TTC21B: variants seen among roughly 807,000 people sequenced by gnomAD.
TTC21B encodes tetratricopeptide repeat protein 21B.
A neutral mutation model predicts 175.1 loss-of-function variants in TTC21B; 127 were observed. The observed-to-expected ratio is 0.73, with a 90% CI of 0.63 to 0.84. TTC21B has a LOEUF of 0.84. Among genes scored for constraint, TTC21B ranks in the 40% least tolerant of loss-of-function variants. The pLI, the probability that TTC21B is intolerant of heterozygous loss-of-function variation, is 0.00. For missense variants in TTC21B, 1,561 were observed against 1,558.3 expected (o/e 1.00, Z -0.03); for synonymous variants, 524 against 524.5 (o/e 1.00, Z 0.01).
At chr2:165,888,602 G>C (rs1178448719) in intron 24 of TTC21B, 128 bp from the exon 25 acceptor site, 1 of 704,126 alleles carries the variant, frequency 1.4e-6, no homozygotes, top group Non-Finnish European at 2.4e-6. Flanking sequence ...TCATTTAAAA[G>C]TAATCTTTTG....
chr2:165,912,563 A>G lies in TTC21B; in HGVS notation c.2273T>C (p.Leu758Ser). The G allele has an allele frequency of 6.2e-7, 1 of 1,614,134 alleles. No homozygotes were observed. The highest frequency in any genetic ancestry group is 1.3e-5 in the African/African-American group (1 of 75,038). ...AAGTGCTTTGCCCATTTTGCTTGCC[A>G]ATGTTCCATCTTTCGGGTTCTGATT... ...ALNQNPKDGTLASKMGKALIK... is the reference protein window; with the variant it reads ...ALNQNPKDGTSASKMGKALIK... The change falls in exon 17 of 29, where the codon TTG becomes TCG. Residue 758 changes from leucine to serine, a missense_variant. Coordinates refer to ENST00000243344, the MANE Select transcript of TTC21B (RefSeq NM_024753.5).
chr2:165,926,232 C>A (rs1056954928), intron 11 of TTC21B, among the ~76,000 whole-genome samples: 1 of 152,206 alleles, frequency 6.6e-6, no homozygotes, highest in African/African-American at 2.4e-5. Flanking sequence ...AGAGGCCCAA[C>A]TACCACTTAA....
intron 6 of TTC21B, among the ~76,000 whole-genome samples, chr2:165,935,053 A>G (rs1364895998): frequency 2.6e-5 from 4 of 152,166 alleles, no homozygotes; most frequent in African/African-American, 9.7e-5. Flanking sequence ...GAAAAGTGGA[A>G]TGACTTCTCT....
In TTC21B at chr2:165,943,354, T is replaced by C. The variant is rs776249787; in HGVS notation, c.430-13A>G. 9 of 1,585,664 alleles carry C rather than the reference T, an allele frequency of 5.7e-6. No individual in the cohort carries two copies. Among genetic ancestry groups the C allele is most frequent in the Middle Eastern group, 1.7e-4 (1 of 6,018 alleles). On this transcript the variant is annotated splice_polypyrimidine_tract_variant and intron_variant, in intron 4 of 28. Transcript: ENST00000243344. Reference sequence around the variant, plus strand: ...TCAAAACGTGTCCCTGTAAAATGAATAATTCTATTTTTACTTTTTTAGAAA... The same window carrying C: ...TCAAAACGTGTCCCTGTAAAATGAACAATTCTATTTTTACTTTTTTAGAAA...
At chr2:165,908,884 T>C (rs1685835289) in intron 18 of TTC21B, among the ~76,000 whole-genome samples, 1 of 152,136 alleles carries the variant, frequency 6.6e-6, no homozygotes. Flanking sequence ...GACAAATCCA[T>C]GCATATATTT....
Position 165,883,973 on chromosome 2 carries a change from T to C in TTC21B, c.3505A>G (p.Ile1169Val), listed in dbSNP as rs1305654936. The C allele has an allele frequency of 1.2e-6, 2 of 1,614,114 alleles. No homozygotes were observed. The highest frequency in any genetic ancestry group is 1.1e-5 in the South Asian group (1 of 91,078). The change falls in exon 26 of 29, where the codon ATC becomes GTC. Residue 1169 changes from isoleucine to valine, a missense_variant. Ile to Val is a conservative substitution (Grantham distance 29, BLOSUM62 3). Transcript: ENST00000243344. ...ALLGMATAYM[I>V]LKQTPRARNQ... ...CTGGCTCGTGGAGTCTGTTTCAAGA[T>C]CATATAAGCCGTTGCCATTCCCAAG...
chr2:165,922,732 G>C (rs1686462829), intron 12 of TTC21B, among the ~76,000 whole-genome samples: 1 of 151,996 alleles, frequency 6.6e-6, no homozygotes, highest in Admixed American at 6.6e-5. Context: ...CCCACTACTA[G>C]ATATCTACCC....
chr2:165,877,169 G>A (rs572957056), intron 27 of TTC21B, among the ~76,000 whole-genome samples: 1 of 152,162 alleles, frequency 6.6e-6, no homozygotes, highest in Non-Finnish European at 1.5e-5. Flanking sequence ...GTAAAATAAT[G>A]TGTAATAAAA....
At chr2:165,925,339 T>C (rs996395566) in intron 11 of TTC21B, among the ~76,000 whole-genome samples, 5 of 152,356 alleles carry the variant, frequency 3.3e-5, no homozygotes, top group South Asian at 2.1e-4. Context: ...CTTCTTCTTA[T>C]AATGGCTGTC....
At chr2:165,904,650 G>A (rs1202807387) in intron 19 of TTC21B, among the ~76,000 whole-genome samples, 2 of 151,814 alleles carry the variant, frequency 1.3e-5, no homozygotes, top group East Asian at 3.8e-4. Flanking sequence ...CTAGTAACCA[G>A]CTGTATAATC....
At chr2:165,902,595 T>C (rs866932400) in intron 19 of TTC21B, among the ~76,000 whole-genome samples, 6 of 152,274 alleles carry the variant, frequency 3.9e-5, no homozygotes, top group East Asian at 1.9e-4. Flanking sequence ...TATAAGTATA[T>C]AGCATGTGGT....
chr2:165,899,001 T>C (rs1685464094), intron 21 of TTC21B, among the ~76,000 whole-genome samples: 1 of 152,158 alleles, frequency 6.6e-6, no homozygotes, highest in Non-Finnish European at 1.5e-5. Flanking sequence ...CAAAATTGTA[T>C]TTTTAGCAAA....
Position 165,941,024 on chromosome 2 carries a change from A to AT in TTC21B, c.710+2_710+3insA. The AT allele has an allele frequency of 6.2e-7, 1 of 1,613,758 alleles. No homozygotes were observed. Among genetic ancestry groups the AT allele is most frequent in the East Asian group, 2.2e-5 (1 of 44,858 alleles). ...AGACTTGTGTCATCTTTTATTACTTAACCTTTGTGCTGTCTCAACTGTCTG... is the reference window on the plus strand; with the variant it reads ...AGACTTGTGTCATCTTTTATTACTTATACCTTTGTGCTGTCTCAACTGTCTG... On this transcript the variant is annotated splice_region_variant and intron_variant, in intron 6 of 28. Transcript: ENST00000243344.
At chr2:165,917,641 A>T (rs1307135359) in intron 13 of TTC21B, among the ~76,000 whole-genome samples, 160 bp from the exon 14 acceptor site, 1 of 152,230 alleles carries the variant, frequency 6.6e-6, no homozygotes, top group Non-Finnish European at 1.5e-5. Context: ...CTGATTATGT[A>T]TCACATTAAA....
chr2:165,874,665 C>T lies in TTC21B; in HGVS notation c.*90G>A. On this transcript the variant is annotated 3_prime_UTR_variant, in exon 29 of 29. Coordinates refer to ENST00000243344, the MANE Select transcript of TTC21B (RefSeq NM_024753.5). ...AAAGGGTATACTTCTAATAACAAAG[C>T]ACTGAGCTCAAACCTGTTTTGAACA... is the stretch of plus-strand genomic sequence containing the variant. 1 of 1,157,756 alleles carries T rather than the reference C, an allele frequency of 8.6e-7. No individual in the cohort carries two copies. The highest frequency in any genetic ancestry group is 1.3e-6 in the Non-Finnish European group (1 of 770,972). 71.7% of individuals were successfully genotyped at this position (1,157,756 alleles called of 1,614,324 possible). A position where few individuals can be genotyped will look rare whatever the true frequency, so the allele number is the denominator to read the frequency against.
Position 165,899,320 on chromosome 2 carries a change from C to T in TTC21B, c.2868+450G>A, listed in dbSNP as rs192593296. On this transcript the variant is annotated intron_variant, in intron 21 of 28. Transcript: ENST00000243344. ...CAAAGCTAACAAATATTTTAGCCCA[C>T]GTAAAAATAAGAAAAAATAAAAAAC... Among the ~76,000 whole-genome samples the T allele has an allele frequency of 2.3e-4, 35 of 152,058 alleles. No homozygotes were observed. In the East Asian group the frequency reaches 2.5e-3, roughly 11 times the overall value.
chr2:165,930,732 G>GGGGTGT (rs376602791), intron 8 of TTC21B, among the ~76,000 whole-genome samples: 35 of 110,830 alleles, frequency 3.2e-4, no homozygotes, highest in Non-Finnish European at 5.6e-4. Flanking sequence ...TGGGTATGGG[G>GGGGTGT]GTGTGTGTGT....
intron 12 of TTC21B, among the ~76,000 whole-genome samples, chr2:165,920,144 A>G (rs1406666891): frequency 1.3e-5 from 2 of 152,144 alleles, no homozygotes; most frequent in African/African-American, 2.4e-5. Context: ...TCATGATGTA[A>G]CCCGCACTGA....
At chr2:165,922,111 T>C (rs981663274) in intron 12 of TTC21B, among the ~76,000 whole-genome samples, 1 of 152,132 alleles carries the variant, frequency 6.6e-6, no homozygotes, top group Non-Finnish European at 1.5e-5. Flanking sequence ...GATTGACATA[T>C]AAATTTTCAC....
Sources: allele counts gnomAD v4.1 joint callset (sites outside exome capture counted in the v4.1 genomes callset), GRCh38; gene constraint gnomAD v4.1.1; transcripts MANE v1.5; gene names NCBI Gene and HGNC (gene_info 2026-07-23, HGNC 2026-07-21).